Variants in CAMTA1 observed in about 807,000 individuals in gnomAD.
The protein encoded by CAMTA1 is calmodulin-binding transcription activator 1.
A neutral mutation model predicts 170.9 loss-of-function variants in CAMTA1; 27 were observed. That is an observed-to-expected ratio of 0.16 (90% confidence interval 0.12 to 0.22). CAMTA1 has a LOEUF of 0.22. Among genes scored for constraint, CAMTA1 ranks in the 10% least tolerant of loss-of-function variants. The pLI is 1.00. For missense variants in CAMTA1, 1,619 were observed against 2,217.2 expected (o/e 0.73, Z 5.42); for synonymous variants, 833 against 891.5 (o/e 0.93, Z 1.17).
intron 5 of CAMTA1, among the ~76,000 whole-genome samples, chr1:7,337,340 C>G (rs7553372): frequency 0.53 from 80,578 of 152,180 alleles, 23,824 homozygotes; most frequent in African/African-American, 0.81. Context: ...TTCATTTCAT[C>G]TGTCAATTTG....
At chr1:7,109,710 C>G (rs926524830) in intron 4 of CAMTA1, among the ~76,000 whole-genome samples, 1 of 152,316 alleles carries the variant, frequency 6.6e-6, no homozygotes, top group Non-Finnish European at 1.5e-5. Flanking sequence ...CAAGATGTCA[C>G]AGTAAAAACG....
At chr1:7,214,713 A>G (rs1262070580) in intron 4 of CAMTA1, among the ~76,000 whole-genome samples, 1 of 151,900 alleles carries the variant, frequency 6.6e-6, no homozygotes, top group Non-Finnish European at 1.5e-5. Context: ...TTTTCCTTTT[A>G]TATGTTGTGC....
At chr1:7,028,205 T>C (rs1702269151) in intron 3 of CAMTA1, among the ~76,000 whole-genome samples, 1 of 152,208 alleles carries the variant, frequency 6.6e-6, no homozygotes, top group African/African-American at 2.4e-5. Flanking sequence ...GCCTGAAATA[T>C]TCTTTAGTAT....
intron 6 of CAMTA1, among the ~76,000 whole-genome samples, chr1:7,608,401 G>A (rs1004236723): frequency 4.6e-5 from 7 of 152,196 alleles, no homozygotes; most frequent in Admixed American, 6.5e-5. Flanking sequence ...CTCAGGGCCA[G>A]GGAACCCTCC....
chr1:7,369,774 AC>A (rs1423552441), intron 5 of CAMTA1, among the ~76,000 whole-genome samples: 1 of 149,764 alleles, frequency 6.7e-6, no homozygotes, highest in Non-Finnish European at 1.5e-5. Flanking sequence ...CCCCAAACAC[AC>A]CCCCTTATCA....
chr1:7,759,252 G>A (rs995510230), intron 22 of CAMTA1, among the ~76,000 whole-genome samples: 8 of 152,094 alleles, frequency 5.3e-5, no homozygotes, highest in African/African-American at 7.2e-5. Context: ...AAACTCCTAC[G>A]TCAGTGGAGC....
intron 6 of CAMTA1, among the ~76,000 whole-genome samples, chr1:7,489,396 T>C (rs2093668799): frequency 6.6e-6 from 1 of 152,186 alleles, no homozygotes; most frequent in Admixed American, 6.5e-5. Context: ...GAGGCAGCTC[T>C]TTAGAGAGAG....
At chr1:7,149,780 C>G (rs1478300886) in intron 4 of CAMTA1, among the ~76,000 whole-genome samples, 1 of 152,200 alleles carries the variant, frequency 6.6e-6, no homozygotes, top group Non-Finnish European at 1.5e-5. Flanking sequence ...CAGGTCAGAG[C>G]TGGGCCAGAG....
chr1:7,378,522 G>T (rs1289401258), intron 5 of CAMTA1, among the ~76,000 whole-genome samples: 8 of 152,156 alleles, frequency 5.3e-5, no homozygotes, highest in Non-Finnish European at 1.2e-4. Flanking sequence ...CGCACATGGT[G>T]TGTTTCATTT....
At chr1:7,310,704 T>TCTCTCTC (rs748448606) in intron 5 of CAMTA1, among the ~76,000 whole-genome samples, 4 of 34,762 alleles carry the variant, frequency 1.2e-4, no homozygotes, top group East Asian at 1.1e-3. Flanking sequence ...CTCTCTCTCT[T>TCTCTCTC]TCTTTCTTTC....
intron 1 of CAMTA1, among the ~76,000 whole-genome samples, chr1:6,786,128 C>A (rs1246281251): frequency 4.6e-5 from 7 of 151,968 alleles, no homozygotes; most frequent in Non-Finnish European, 1.0e-4. Flanking sequence ...CTCTCTCCGG[C>A]ACCCTCTTCA....
At chr1:6,798,615 A>C (rs1570046749) in intron 1 of CAMTA1, among the ~76,000 whole-genome samples, 1 of 77,976 alleles carries the variant, frequency 1.3e-5, no homozygotes, top group Non-Finnish European at 2.4e-5. Context: ...TTTGAGACGG[A>C]GTCTCGCTCT....
In CAMTA1 at chr1:7,007,966, G is replaced by A. The variant is rs1192111627; in HGVS notation, c.235-83338G>A. ...GAGCCCTGCGTGGAAAGGGAGGCCCGTGTTGGTGCCCTGTCCTCATCCAGT... is the reference window on the plus strand; with the variant it reads ...GAGCCCTGCGTGGAAAGGGAGGCCCATGTTGGTGCCCTGTCCTCATCCAGT... On this transcript the variant is annotated intron_variant, in intron 3 of 22. Coordinates refer to ENST00000303635, the MANE Select transcript of CAMTA1 (RefSeq NM_015215.4). The surrounding 1 kb of genome is among the most constrained non-coding windows in gnomAD (Gnocchi z 4.5). Among the ~76,000 whole-genome samples, 5 of 152,196 alleles carry A rather than the reference G, an allele frequency of 3.3e-5. No individual in the cohort carries two copies. The highest frequency in any genetic ancestry group is 5.9e-5 in the Non-Finnish European group (4 of 68,036).
chr1:7,304,008 A>G (rs1447600983), intron 5 of CAMTA1, among the ~76,000 whole-genome samples: 1 of 152,226 alleles, frequency 6.6e-6, no homozygotes, highest in African/African-American at 2.4e-5. Flanking sequence ...AGATCTCAGA[A>G]TAGGTAAATT....
rs1189064807 is a variant in CAMTA1, at chr1:7,642,009, A to C, written c.664+1456A>C. Among the ~76,000 whole-genome samples, 1 of 103,550 alleles carries C rather than the reference A, an allele frequency of 9.7e-6. No individual in the cohort carries two copies. 67.9% of individuals were successfully genotyped at this position (103,550 alleles called of 152,430 possible). ...GCCCTTTCCACCTGCTGTAGTCCCC[A>C]CTCCCCAGAGCCTGCTGCCTCTCCA... On this transcript the variant is annotated intron_variant, in intron 7 of 22. Coordinates refer to ENST00000303635, the MANE Select transcript of CAMTA1 (RefSeq NM_015215.4). This position sits in a 1 kb window ranked among gnomAD's most constrained non-coding sequence, Gnocchi z 6.3.
intron 5 of CAMTA1, among the ~76,000 whole-genome samples, chr1:7,311,019 T>C (rs1038863413): frequency 1.5e-4 from 23 of 152,236 alleles, no homozygotes; most frequent in South Asian, 6.2e-4. Flanking sequence ...GCATGAGCCA[T>C]TGTGCCCAGC....
At chr1:7,652,920 A>T (rs917369037) in intron 7 of CAMTA1, among the ~76,000 whole-genome samples, 1 of 152,166 alleles carries the variant, frequency 6.6e-6, no homozygotes, top group African/African-American at 2.4e-5. Flanking sequence ...GGCAAGTTAC[A>T]TAACTTCTCT....
At chr1:7,387,362 A>T (rs1034370063) in intron 5 of CAMTA1, among the ~76,000 whole-genome samples, 9 of 151,972 alleles carry the variant, frequency 5.9e-5, no homozygotes, top group Non-Finnish European at 1.2e-4. Context: ...TCACAATCCT[A>T]GTTTCTGCTC....
chr1:6,898,568 A>G (rs1676164346), intron 3 of CAMTA1, among the ~76,000 whole-genome samples: 1 of 152,150 alleles, frequency 6.6e-6, no homozygotes, highest in African/African-American at 2.4e-5. Context: ...ATAAACAAAC[A>G]AACAAAAGGA....
Sources: allele counts gnomAD v4.1 joint callset (sites outside exome capture counted in the v4.1 genomes callset), GRCh38; gene constraint gnomAD v4.1.1; non-coding constraint Gnocchi (gnomAD v3.1); transcripts MANE v1.5; gene names NCBI Gene and HGNC (gene_info 2026-07-23, HGNC 2026-07-21).